MSH3: variants seen among roughly 807,000 people sequenced by gnomAD.
MSH3 encodes the protein DNA mismatch repair protein Msh3.
MSH3 carries 106 observed loss-of-function variants against 123.3 expected under a neutral mutation model. The ratio of observed to expected loss-of-function variants is 0.86; its 90% CI spans 0.73 to 1.01. The LOEUF (loss-of-function observed/expected upper bound fraction) is 1.01. MSH3 is among the 50% of genes least tolerant of loss of function. The probability of loss-of-function intolerance (pLI) is 0.00; values close to 1 mark genes in which losing one functional copy is unlikely to be tolerated. For missense variants in MSH3, 1,459 were observed against 1,347.6 expected, an observed-to-expected ratio of 1.08 and a Z score of -1.29; for synonymous variants, 515 against 481.4, an observed-to-expected ratio of 1.07 and a Z score of -0.91.
chr5:80,721,391 C>A (rs1319991009), intron 8 of MSH3, among the ~76,000 whole-genome samples: 1 of 152,172 alleles, frequency 6.6e-6, no homozygotes, highest in African/African-American at 2.4e-5. Flanking sequence ...TTCTCAAGCC[C>A]CTTCAGGCTT....
chr5:80,805,194 T>C (rs950883235), intron 19 of MSH3, among the ~76,000 whole-genome samples: 10 of 152,244 alleles, frequency 6.6e-5, no homozygotes, highest in Non-Finnish European at 1.0e-4. Context: ...TTCTGTTGCC[T>C]GCTTCAGCAG....
chr5:80,827,645 C>T (rs1167422933), intron 20 of MSH3, among the ~76,000 whole-genome samples: 2 of 152,190 alleles, frequency 1.3e-5, no homozygotes, highest in African/African-American at 4.8e-5. Context: ...GTCATCTTAT[C>T]AATATCTCTG....
chr5:80,803,221 T>G (rs857288), intron 19 of MSH3, among the ~76,000 whole-genome samples: 35,618 of 152,044 alleles, frequency 0.23, 4,426 homozygotes, highest in Non-Finnish European at 0.28. Flanking sequence ...TTACCTTTTC[T>G]CCACATCCTC....
At chr5:80,711,932 G>T (rs3776972) in intron 8 of MSH3, among the ~76,000 whole-genome samples, 34,303 of 152,106 alleles carry the variant, frequency 0.23, 4,076 homozygotes, top group Non-Finnish European at 0.27. Flanking sequence ...GGGATTACAG[G>T]TGTGAGCCAC....
intron 19 of MSH3, among the ~76,000 whole-genome samples, chr5:80,809,217 TA>T (rs1348772198): frequency 6.6e-6 from 1 of 152,138 alleles, no homozygotes; most frequent in Non-Finnish European, 1.5e-5. Flanking sequence ...CTGTTATTTT[TA>T]AATTTTACAG....
At chr5:80,694,475 G>A (rs772912722) in intron 8 of MSH3, among the ~76,000 whole-genome samples, 1 of 151,858 alleles carries the variant, frequency 6.6e-6, no homozygotes, top group African/African-American at 2.4e-5. Flanking sequence ...TATTATAATT[G>A]TCTTAAATAT....
At chr5:80,759,774 C>T (rs2112878623) in intron 12 of MSH3, among the ~76,000 whole-genome samples, 1 of 152,232 alleles carries the variant, frequency 6.6e-6, no homozygotes, top group African/African-American at 2.4e-5. Flanking sequence ...TGGACTTAGA[C>T]TATAGTAGTG....
At chr5:80,712,220 G>A (rs1750873812) in intron 8 of MSH3, among the ~76,000 whole-genome samples, 1 of 151,932 alleles carries the variant, frequency 6.6e-6, no homozygotes, top group African/African-American at 2.4e-5. Context: ...ATCTCCTTCT[G>A]GGAGCTCCTG....
chr5:80,834,253 A>G (rs964266405), intron 20 of MSH3, among the ~76,000 whole-genome samples: 5 of 152,170 alleles, frequency 3.3e-5, no homozygotes, highest in Non-Finnish European at 4.4e-5. Flanking sequence ...GCCTCAGAAT[A>G]ACAGGCCTAA....
chr5:80,842,474 A>G (rs1745643974), intron 20 of MSH3, among the ~76,000 whole-genome samples: 1 of 152,154 alleles, frequency 6.6e-6, no homozygotes, highest in African/African-American at 2.4e-5. Context: ...GGGAGATAGC[A>G]CTGAATCTAT....
In MSH3 at chr5:80,768,127, A is replaced by G. The variant is rs2112884594; in HGVS notation, c.2084+7A>G. On this transcript the variant is annotated splice_region_variant and intron_variant, in intron 14 of 23. Transcript: ENST00000265081. ...TCAATGAACAAGCTGCCAAGTAAGT[A>G]CCAGACCCTGAATTCTTCCTTTTCA... The G allele has an allele frequency of 6.2e-7, 1 of 1,612,202 alleles. No individual in the cohort carries two copies. The highest frequency in any genetic ancestry group is 2.2e-5 in the East Asian group (1 of 44,798).
At chr5:80,680,843 A>G (rs7719004) in intron 8 of MSH3, among the ~76,000 whole-genome samples, 14,082 of 152,108 alleles carry the variant, frequency 0.093, 983 homozygotes, top group East Asian at 0.34. Flanking sequence ...AGTACATGAC[A>G]TTGTCATATA....
chr5:80,670,670 G>C (rs550168679), intron 4 of MSH3, among the ~76,000 whole-genome samples: 15 of 152,266 alleles, frequency 9.9e-5, no homozygotes, highest in African/African-American at 3.6e-4. Flanking sequence ...GAGATGTATA[G>C]AAGTTCCTCT....
chr5:80,805,626 ACTC>A (rs1262608714), intron 19 of MSH3, among the ~76,000 whole-genome samples: 7 of 94,804 alleles, frequency 7.4e-5, no homozygotes, highest in Admixed American at 3.4e-4. Context: ...ATGGAGTCTT[ACTC>A]TATTGCCCAG....
chr5:80,837,710 C>T (rs1745541837), intron 20 of MSH3, among the ~76,000 whole-genome samples: 1 of 152,142 alleles, frequency 6.6e-6, no homozygotes, highest in South Asian at 2.1e-4. Context: ...AACTGTGTAA[C>T]CAACTATCAC....
At chr5:80,707,077 C>T (rs1054464754) in intron 8 of MSH3, among the ~76,000 whole-genome samples, 9 of 152,236 alleles carry the variant, frequency 5.9e-5, no homozygotes, top group African/African-American at 1.9e-4. Flanking sequence ...TGATTTCTGT[C>T]ACTATAGGAT....
intron 19 of MSH3, among the ~76,000 whole-genome samples, chr5:80,802,099 G>C (rs1053579114): frequency 2.0e-5 from 3 of 152,138 alleles, no homozygotes; most frequent in Admixed American, 6.5e-5. Flanking sequence ...GAAATATAAA[G>C]AAAGGGAGGA....
chr5:80,693,641 ACACACAC>A (rs1404608367), intron 8 of MSH3, among the ~76,000 whole-genome samples: 7 of 151,466 alleles, frequency 4.6e-5, no homozygotes, highest in African/African-American at 1.7e-4. Flanking sequence ...ACACACACAC[ACACACAC>A]AAACACATAT....
intron 15 of MSH3, among the ~76,000 whole-genome samples, chr5:80,769,426 A>G (rs914990926): frequency 6.6e-6 from 1 of 151,840 alleles, no homozygotes; most frequent in African/African-American, 2.4e-5. Flanking sequence ...AGTTAAGAGT[A>G]TAGCTGCTAA....
Sources: allele counts gnomAD v4.1 joint callset (sites outside exome capture counted in the v4.1 genomes callset), GRCh38; gene constraint gnomAD v4.1.1; transcripts MANE v1.5; gene names NCBI Gene and HGNC (gene_info 2026-07-23, HGNC 2026-07-21).